The following UNC5C variants were observed in gnomAD, a reference collection of about 807,000 sequenced individuals.
UNC5C encodes netrin receptor UNC5C.
UNC5C carries 47 observed loss-of-function variants against 99.8 expected under a neutral mutation model. The observed-to-expected ratio is 0.47, with a 90% CI of 0.37 to 0.60. UNC5C has a LOEUF of 0.60. Among genes scored for constraint, UNC5C ranks in the 20% least tolerant of loss-of-function variants. The probability of loss-of-function intolerance (pLI) is 0.00; values close to 1 mark genes in which losing one functional copy is unlikely to be tolerated. For synonymous variants in UNC5C, 487 were observed against 452.2 expected (o/e 1.08, Z -0.98); for missense variants, 1,062 against 1,165.9 (o/e 0.91, Z 1.30).
intron 12 of UNC5C, among the ~76,000 whole-genome samples, chr4:95,197,109 T>C (rs1028281532): frequency 1.5e-4 from 20 of 130,444 alleles, no homozygotes; most frequent in African/African-American, 5.9e-4. Flanking sequence ...ATATATTATA[T>C]ATGTAATTAT....
At chr4:95,380,742 T>A (rs6843261) in intron 1 of UNC5C, among the ~76,000 whole-genome samples, 87,779 of 151,996 alleles carry the variant, frequency 0.58, 25,783 homozygotes, top group East Asian at 0.71. Context: ...CGTGCTGGAC[T>A]AAAACCTTAC....
chr4:95,249,640 AG>A (rs1432792195), intron 5 of UNC5C, among the ~76,000 whole-genome samples: 32 of 152,356 alleles, frequency 2.1e-4, no homozygotes, highest in Admixed American at 6.5e-4. Context: ...TAAACCACAC[AG>A]GGAGATAAAA....
chr4:95,510,933 CAATT>C (rs888920016), intron 1 of UNC5C, among the ~76,000 whole-genome samples: 1 of 152,042 alleles, frequency 6.6e-6, no homozygotes, highest in Admixed American at 6.6e-5. Flanking sequence ...TTGTCAGAGA[CAATT>C]AAAGTCTTCT....
chr4:95,415,146 T>A (rs1007183534), intron 1 of UNC5C, among the ~76,000 whole-genome samples: 1 of 152,164 alleles, frequency 6.6e-6, no homozygotes, highest in East Asian at 1.9e-4. Context: ...ACCAGAAGCA[T>A]GCATGTAAAA....
chr4:95,325,498 C>T (rs1330423303), intron 2 of UNC5C, among the ~76,000 whole-genome samples: 2 of 151,984 alleles, frequency 1.3e-5, no homozygotes, highest in Non-Finnish European at 2.9e-5. Context: ...AAGGATGAAG[C>T]TGAGATTTTA....
chr4:95,487,379 T>G (rs1721356462), intron 1 of UNC5C, among the ~76,000 whole-genome samples: 1 of 151,796 alleles, frequency 6.6e-6, no homozygotes, highest in African/African-American at 2.4e-5. Context: ...CTATAAATAT[T>G]TATGCCCAGT....
intron 1 of UNC5C, among the ~76,000 whole-genome samples, chr4:95,364,255 A>G (rs1744486166): frequency 6.6e-6 from 1 of 152,172 alleles, no homozygotes; most frequent in Admixed American, 6.5e-5. Flanking sequence ...TGCACAAGCT[A>G]CATCATTGTG....
In UNC5C at chr4:95,388,008, C is replaced by T. The variant is rs186202222; in HGVS notation, c.125-52377G>A. Among the ~76,000 whole-genome samples, 48 of 152,230 alleles carry T rather than the reference C, an allele frequency of 3.2e-4. No individual in the cohort carries two copies. In the East Asian group the frequency reaches 7.5e-3, roughly 24 times the overall value. ...CATATTCAATGAGTAAGCACATTTG[C>T]TTTAACATTGAAAACTACCTAGCAG... On this transcript the variant is annotated intron_variant, in intron 1 of 15. Transcript: ENST00000453304.
At chr4:95,236,389 C>T (rs955125440) in intron 7 of UNC5C, among the ~76,000 whole-genome samples, 7 of 146,684 alleles carry the variant, frequency 4.8e-5, no homozygotes, top group Admixed American at 1.4e-4. Context: ...ACGATGAGAA[C>T]ACTTGGACAC....
At chr4:95,424,518 C>CTTTCTTTTTTTTTTTTTTTTTT (rs1746411107) in intron 1 of UNC5C, among the ~76,000 whole-genome samples, 21 of 67,958 alleles carry the variant, frequency 3.1e-4, no homozygotes, top group Non-Finnish European at 4.0e-4. Context: ...TTTTTCTTTT[C>CTTTCTTTTTTTTTTTTTTTTTT]TTTTTTTTTT....
intron 4 of UNC5C, among the ~76,000 whole-genome samples, chr4:95,275,025 C>CAAACAAAACAAAACAAAACAAAACA (rs56173593): frequency 0.03 from 4,456 of 150,226 alleles, 163 homozygotes; most frequent in African/African-American, 0.084. Flanking sequence ...GACTCCGTGT[C>CAAACAAAACAAAACAAAACAAAACA]AAACAAAACA....
chr4:95,303,900 T>G (rs2149405070), intron 2 of UNC5C, among the ~76,000 whole-genome samples: 1 of 152,306 alleles, frequency 6.6e-6, no homozygotes, highest in Non-Finnish European at 1.5e-5. Flanking sequence ...AATGTTTGAT[T>G]ATAGGTGACA....
chr4:95,274,173 C>T (rs1367746521), intron 4 of UNC5C, among the ~76,000 whole-genome samples: 2 of 152,060 alleles, frequency 1.3e-5, no homozygotes, highest in Non-Finnish European at 1.5e-5. Context: ...AAAATTGTGG[C>T]ATGTGGGGGC....
At position 95,169,230 on chromosome 4, in the gene UNC5C, G is replaced by T. The variant is rs1735984708; in HGVS notation, c.*4C>A. 1 of 1,613,224 alleles carries T rather than the reference G, an allele frequency of 6.2e-7. No individual in the cohort carries two copies. The highest frequency in any genetic ancestry group is 1.3e-5 in the African/African-American group (1 of 74,872). ...GTCCTTCATTTCCCCTTCCAGCATG[G>T]TGGTTAATACTGCCCTTCTGCTGCT... On this transcript the variant is annotated 3_prime_UTR_variant, in exon 16 of 16. Transcript: ENST00000453304.
intron 1 of UNC5C, among the ~76,000 whole-genome samples, chr4:95,450,042 T>G (rs1747236327): frequency 6.6e-6 from 1 of 152,212 alleles, no homozygotes; most frequent in African/African-American, 2.4e-5. Context: ...AATTTAATTT[T>G]AGTCAGCAAC....
chr4:95,412,265 C>T (rs935425475), intron 1 of UNC5C, among the ~76,000 whole-genome samples: 12 of 152,136 alleles, frequency 7.9e-5, no homozygotes, highest in Admixed American at 3.3e-4. Flanking sequence ...CTCTTCACCA[C>T]GTTAATATCG....
intron 1 of UNC5C, among the ~76,000 whole-genome samples, chr4:95,358,137 A>G (rs527654746): frequency 3.1e-4 from 47 of 152,214 alleles, no homozygotes; most frequent in Admixed American, 6.5e-4. Flanking sequence ...TGGCTTTGGT[A>G]ATGTTTACAT....
At chr4:95,169,448 T>C in intron 15 of UNC5C, 49 bp from the exon 16 acceptor site, 2 of 1,591,900 alleles carry the variant, frequency 1.3e-6, no homozygotes, top group South Asian at 1.1e-5. Context: ...CTTACATATC[T>C]ATTTTTCCTC....
chr4:95,268,773 C>A (rs1007155638), intron 4 of UNC5C, among the ~76,000 whole-genome samples: 4 of 152,186 alleles, frequency 2.6e-5, no homozygotes, highest in Admixed American at 2.6e-4. Context: ...CTAGAAAACT[C>A]CACGTCTATC....
Sources: gnomAD v4.1 joint callset for allele counts (sites outside exome capture counted in the v4.1 genomes callset) on GRCh38, gnomAD v4.1.1 for gene constraint, MANE v1.5 for transcripts, NCBI Gene and HGNC (gene_info 2026-07-23, HGNC 2026-07-21) for gene names.